Variants in KIF11 observed in about 807,000 individuals in gnomAD.
The protein encoded by KIF11 is kinesin family member 11, also known as kinesin-like protein KIF11.
In KIF11, 9 loss-of-function variants were observed where a neutral mutation model predicts 121.0. The observed-to-expected ratio is 0.07, with a 90% CI of 0.04 to 0.13. The LOEUF (loss-of-function observed/expected upper bound fraction) is 0.13, where lower values mean the gene tolerates loss of function less well. Ranked by LOEUF, KIF11 falls within the 10% of genes least tolerant of loss-of-function variation. KIF11 has a pLI of 1.00. For missense variants in KIF11, 846 were observed against 1,217.5 expected (o/e 0.69, Z 4.54); for synonymous variants, 408 against 421.0 (o/e 0.97, Z 0.38).
At chr10:92,644,248 G>C (rs1844897015) in intron 17 of KIF11, among the ~76,000 whole-genome samples, 1 of 152,116 alleles carries the variant, frequency 6.6e-6, no homozygotes, top group Admixed American at 6.6e-5. Context: ...AACTGCGTTT[G>C]GCATTTATTG....
chr10:92,603,654 AT>A (rs1844400168), intron 1 of KIF11, among the ~76,000 whole-genome samples: 1 of 148,618 alleles, frequency 6.7e-6, no homozygotes, highest in South Asian at 2.1e-4. Context: ...GCCTGGCCTA[AT>A]TTTTGTATTT....
chr10:92,627,682 A>G (rs78703626), intron 10 of KIF11, among the ~76,000 whole-genome samples: 3,160 of 152,216 alleles, frequency 0.021, 48 homozygotes, highest in Admixed American at 0.052. Context: ...AAGATGGATT[A>G]GAAGCTTTGT....
intron 4 of KIF11, 147 bp from the exon 5 acceptor site, chr10:92,608,873 A>T: frequency 2.0e-6 from 1 of 509,888 alleles, no homozygotes; most frequent in South Asian, 3.6e-5. Context: ...GACTTCTCTA[A>T]CATTAGGTTA....
chr10:92,637,032 C>CTAA (rs1844809394), intron 14 of KIF11, 152 bp from the exon 15 acceptor site: 1 of 346,760 alleles, frequency 2.9e-6, no homozygotes, highest in African/African-American at 3.3e-5. Context: ...GACTCCGTCT[C>CTAA]AAAAAAAAAA....
chr10:92,611,911 A>G (rs1159855700), intron 6 of KIF11, among the ~76,000 whole-genome samples: 1 of 152,156 alleles, frequency 6.6e-6, no homozygotes, highest in Non-Finnish European at 1.5e-5. Context: ...ATTAAAAAAG[A>G]TACTTAATTT....
intron 1 of KIF11, among the ~76,000 whole-genome samples, chr10:92,602,819 CACACACGTGTGTGT>C (rs1289346088): frequency 1.8e-5 from 2 of 111,478 alleles, no homozygotes; most frequent in African/African-American, 1.1e-4. Flanking sequence ...CACACACACA[CACACACGTGTGTGT>C]GTGTGTGTGT....
intron 9 of KIF11, among the ~76,000 whole-genome samples, chr10:92,620,814 G>A (rs991802527): frequency 2.0e-5 from 3 of 152,168 alleles, no homozygotes; most frequent in Non-Finnish European, 4.4e-5. Flanking sequence ...TCCCTGTAAT[G>A]AGAACAGCAT....
intron 10 of KIF11, among the ~76,000 whole-genome samples, chr10:92,623,651 A>G (rs897868330): frequency 4.6e-5 from 7 of 152,348 alleles, no homozygotes; most frequent in Non-Finnish European, 1.0e-4. Flanking sequence ...CCCTAGAATC[A>G]GAACAATGTA....
At chr10:92,599,961 T>G (rs1844349064) in intron 1 of KIF11, among the ~76,000 whole-genome samples, 1 of 149,126 alleles carries the variant, frequency 6.7e-6, no homozygotes, top group South Asian at 2.1e-4. Flanking sequence ...TTTTTTTTTT[T>G]TTAATTAACT....
chr10:92,595,791 C>A (rs1844288592), intron 1 of KIF11, among the ~76,000 whole-genome samples: 1 of 152,148 alleles, frequency 6.6e-6, no homozygotes, highest in Non-Finnish European at 1.5e-5. Context: ...TTTGACTACT[C>A]TAAGTACTTC....
At chr10:92,610,954 T>C (rs1844489014) in intron 6 of KIF11, among the ~76,000 whole-genome samples, 1 of 152,170 alleles carries the variant, frequency 6.6e-6, no homozygotes, top group Admixed American at 6.6e-5. Context: ...ATGTAGAATT[T>C]TGAGAACTGA....
intron 4 of KIF11, among the ~76,000 whole-genome samples, chr10:92,608,098 A>C (rs998862805): frequency 6.3e-4 from 95 of 150,338 alleles, no homozygotes; most frequent in African/African-American, 2.2e-3. Flanking sequence ...AAACCAAAAA[A>C]CTAGTTAATT....
chr10:92,653,785 A>C lies in KIF11; in HGVS notation c.3160A>C (p.Ile1054Leu). The change falls in exon 22 of 22, where the codon ATC becomes CTC. Residue 1054 changes from isoleucine to leucine, a missense_variant. Ile to Leu is a conservative substitution (Grantham distance 5, BLOSUM62 2). Around this residue, in one of 5 missense-constraint regions of KIF11, gnomAD observed 492 missense variants for 603.4 expected, o/e 0.82. Transcript: ENST00000260731. The part of the protein sequence containing the change: ...TKSRLPLRAQ[I>L]NL ...GAGCAGATTACCTCTGCGAGCCCAG[A>C]TCAACCTTTAATTCACTTGGGGGTT... 7 of 1,609,374 alleles carry C rather than the reference A, an allele frequency of 4.3e-6. No individual in the cohort carries two copies. Among genetic ancestry groups the C allele is most frequent in the Non-Finnish European group, 5.9e-6 (7 of 1,178,942 alleles).
In KIF11 at chr10:92,609,075, C is replaced by G. The variant is rs1189893041; in HGVS notation, c.443C>G (p.Thr148Ser). 1.3e-5 allele frequency: 20 copies of G among 1,597,902 alleles called. No homozygotes were observed. Among genetic ancestry groups the G allele is most frequent in the Non-Finnish European group, 1.6e-5 (19 of 1,173,116 alleles). Residue 148 changes from threonine (T) to serine (S), a missense_variant, in exon 5 of 22, where the codon ACT becomes AGT. This residue lies in a region of KIF11 where 140 missense variants were observed against 193.5 expected (regional missense o/e 0.72). Transcript: ENST00000260731. The part of the protein sequence containing the change: ...RTLHQIFEKL[T>S]DNGTEFSVKV... ...CTTCATCAAATTTTTGAGAAACTTA[C>G]TGATAATGGTACTGAATTTTCAGTC...
chr10:92,637,230 C>T lies in KIF11; in HGVS notation c.1922C>T (p.Ser641Phe). ...CTAAGTTCACTGGAAATGATTTTATCCCCAACTGTGGTGTCTATACTGAAA... is the reference window on the plus strand; with the variant it reads ...CTAAGTTCACTGGAAATGATTTTATTCCCAACTGTGGTGTCTATACTGAAA... The part of the protein sequence containing the change: ...DLLSSLEMIL[S>F]PTVVSILKIN... Residue 641 changes from serine to phenylalanine, a missense_variant, in exon 15 of 22, where the codon TCC becomes TTC. Physicochemically the swap from Ser to Phe is radical, Grantham distance 155. Around this residue, in one of 5 missense-constraint regions of KIF11, gnomAD observed 492 missense variants for 603.4 expected, o/e 0.82. Transcript: ENST00000260731. 6.3e-7 allele frequency: 1 copy of T among 1,585,848 alleles called. No individual in the cohort carries two copies. Among genetic ancestry groups the T allele is most frequent in the South Asian group, 1.2e-5 (1 of 85,582 alleles).
chr10:92,620,068 G>T (rs1439884493), intron 9 of KIF11, among the ~76,000 whole-genome samples: 4 of 149,070 alleles, frequency 2.7e-5, no homozygotes, highest in Non-Finnish European at 4.4e-5. Context: ...TGTAATGTCT[G>T]GTTCTTTGTC....
chr10:92,596,193 CG>C (rs1380548735), intron 1 of KIF11, among the ~76,000 whole-genome samples: 41 of 152,176 alleles, frequency 2.7e-4, no homozygotes, highest in Non-Finnish European at 5.0e-4. Flanking sequence ...TTAGTAGAGA[CG>C]GGGTTTCACC....
intron 6 of KIF11, among the ~76,000 whole-genome samples, chr10:92,612,127 G>C (rs187838140): frequency 6.7e-6 from 1 of 149,886 alleles, no homozygotes; most frequent in African/African-American, 2.5e-5. Context: ...TTGTTTGCTT[G>C]TTTGTTTTTT....
intron 19 of KIF11, among the ~76,000 whole-genome samples, chr10:92,649,539 C>A (rs182876634): frequency 4.6e-5 from 7 of 152,184 alleles, no homozygotes. Context: ...CCATTTTTTT[C>A]AGAACACTAT....
Sources: gnomAD v4.1 joint callset for allele counts (sites outside exome capture counted in the v4.1 genomes callset) on GRCh38, gnomAD v4.1.1 for gene constraint, gnomAD v4.1.1 regional missense constraint, MANE v1.5 for transcripts, NCBI Gene and HGNC (gene_info 2026-07-23, HGNC 2026-07-21) for gene names.